The following PDE7B variants were observed in gnomAD, a reference collection of about 807,000 sequenced individuals.
PDE7B encodes the protein 3',5'-cyclic-AMP phosphodiesterase 7B.
A neutral mutation model predicts 56.2 loss-of-function variants in PDE7B; 29 were observed. That is an observed-to-expected ratio of 0.52 (90% confidence interval 0.38 to 0.70). The LOEUF is 0.70. Ranked by LOEUF, PDE7B falls within the 30% of genes least tolerant of loss-of-function variation. The pLI is 0.00. For missense variants in PDE7B, 490 were observed against 565.0 expected, an observed-to-expected ratio of 0.87 and a Z score of 1.35; for synonymous variants, 197 against 196.9, an observed-to-expected ratio of 1.00 and a Z score of 0.00.
chr6:136,050,179 T>A (rs1416491389), intron 2 of PDE7B, among the ~76,000 whole-genome samples: 1 of 152,212 alleles, frequency 6.6e-6, no homozygotes, highest in African/African-American at 2.4e-5. Context: ...CACTCCCAAA[T>A]ACTTAACGTC....
chr6:136,006,719 G>A (rs972617117), intron 2 of PDE7B, among the ~76,000 whole-genome samples: 1 of 152,038 alleles, frequency 6.6e-6, no homozygotes, highest in Admixed American at 6.6e-5. Flanking sequence ...CTTAGCTATT[G>A]TTAGTGTATA....
chr6:135,934,761 A>T (rs1583781292), intron 1 of PDE7B, among the ~76,000 whole-genome samples: 2 of 110,720 alleles, frequency 1.8e-5, no homozygotes, highest in South Asian at 2.7e-4. Flanking sequence ...TATATTTTTT[A>T]AATATATATA....
intron 2 of PDE7B, among the ~76,000 whole-genome samples, chr6:136,092,100 A>G (rs967184035): frequency 2.6e-5 from 4 of 152,252 alleles, no homozygotes; most frequent in African/African-American, 9.6e-5. Flanking sequence ...GCTCACAGTC[A>G]TAGTAATCTC....
intron 1 of PDE7B, among the ~76,000 whole-genome samples, chr6:135,875,431 T>A (rs1775474294): frequency 6.6e-6 from 1 of 152,138 alleles, no homozygotes; most frequent in African/African-American, 2.4e-5. Flanking sequence ...TAAATTTATG[T>A]GTATTTAATA....
At chr6:136,045,628 G>A (rs1776489825) in intron 2 of PDE7B, among the ~76,000 whole-genome samples, 1 of 152,114 alleles carries the variant, frequency 6.6e-6, no homozygotes, top group Admixed American at 6.5e-5. Flanking sequence ...CAAAGACAAA[G>A]CAGGGTTTAG....
At position 136,164,068 on chromosome 6, in the gene PDE7B, T is replaced by C. The variant is rs997097645; in HGVS notation, c.711+8310T>C. On this transcript the variant is annotated intron_variant, in intron 8 of 12. Coordinates refer to ENST00000308191, the MANE Select transcript of PDE7B (RefSeq NM_018945.4). Reference sequence around the variant, plus strand: ...TATGGCAGCACCCAAATCTCAGTACTGTATTAGTCCATTCTCATGTTGCTA... The same window carrying C: ...TATGGCAGCACCCAAATCTCAGTACCGTATTAGTCCATTCTCATGTTGCTA... Among the ~76,000 whole-genome samples, 3 of 152,172 alleles carry C rather than the reference T, an allele frequency of 2.0e-5. No individual in the cohort carries two copies. The South Asian group carries it at 6.2e-4, about 32-fold the overall frequency.
At chr6:135,982,562 A>G (rs1434154976) in intron 2 of PDE7B, among the ~76,000 whole-genome samples, 1 of 152,116 alleles carries the variant, frequency 6.6e-6, no homozygotes, top group Non-Finnish European at 1.5e-5. Context: ...AATCTTAGTG[A>G]CCTGTGTTTC....
intron 1 of PDE7B, among the ~76,000 whole-genome samples, chr6:135,859,653 T>G (rs1775107036): frequency 6.6e-6 from 1 of 152,072 alleles, no homozygotes; most frequent in African/African-American, 2.4e-5. Context: ...ATTGAATATG[T>G]TGCCCCAAGT....
intron 3 of PDE7B, among the ~76,000 whole-genome samples, chr6:136,136,159 G>A (rs1329038034): frequency 6.6e-6 from 1 of 152,060 alleles, no homozygotes; most frequent in Non-Finnish European, 1.5e-5. Flanking sequence ...GAGCTGTGCT[G>A]TAAATCTGCT....
chr6:136,111,545 T>C (rs1777748150), intron 3 of PDE7B, among the ~76,000 whole-genome samples: 1 of 152,196 alleles, frequency 6.6e-6, no homozygotes, highest in African/African-American at 2.4e-5. Flanking sequence ...CAACAGCTTG[T>C]CACCATGGAG....
At chr6:136,092,692 C>T (rs1562491002) in intron 2 of PDE7B, among the ~76,000 whole-genome samples, 11 of 152,112 alleles carry the variant, frequency 7.2e-5, no homozygotes, top group Admixed American at 7.2e-4. Flanking sequence ...TCCCAGGAGG[C>T]GGAGGTTGCA....
intron 2 of PDE7B, among the ~76,000 whole-genome samples, chr6:136,086,190 A>G (rs1195095982): frequency 2.2e-4 from 33 of 152,146 alleles, no homozygotes; most frequent in Admixed American, 2.2e-3. Context: ...GGGTAACTGG[A>G]GTTATAACTC....
chr6:135,919,802 C>T (rs1231141863), intron 1 of PDE7B, among the ~76,000 whole-genome samples: 7 of 152,090 alleles, frequency 4.6e-5, no homozygotes, highest in East Asian at 1.9e-4. Flanking sequence ...GAAGGAGTTG[C>T]GAAAATTAAA....
chr6:136,141,457 G>C (rs929761356), intron 3 of PDE7B, among the ~76,000 whole-genome samples: 2 of 152,140 alleles, frequency 1.3e-5, no homozygotes, highest in Admixed American at 6.5e-5. Flanking sequence ...CCAGGCTTTG[G>C]TATCAGGATG....
At chr6:136,131,494 GTTTTTT>G (rs1201361799) in intron 3 of PDE7B, among the ~76,000 whole-genome samples, 1 of 84,682 alleles carries the variant, frequency 1.2e-5, no homozygotes, top group Admixed American at 1.5e-4. Context: ...ATCCTGGCAG[GTTTTTT>G]TTTTTTTTTT....
rs1778298309 is a variant in PDE7B at position 136,140,331 on chromosome 6, T to A, written c.167-7020T>A. ...CTCTGTTCTGTTCCATTGGTCTGTA[T>A]CTCTGTTTTGGTACCAGTACCATGC... On this transcript the variant is annotated intron_variant, in intron 3 of 12. Coordinates refer to ENST00000308191, the MANE Select transcript of PDE7B (RefSeq NM_018945.4). Among the ~76,000 whole-genome samples the A allele has an allele frequency of 3.3e-5, 5 of 152,308 alleles. No individual in the cohort carries two copies. In the South Asian group the frequency reaches 1.0e-3, roughly 32 times the overall value.
intron 2 of PDE7B, among the ~76,000 whole-genome samples, chr6:135,978,774 T>C (rs920623045): frequency 6.6e-6 from 1 of 152,176 alleles, no homozygotes; most frequent in Non-Finnish European, 1.5e-5. Context: ...AAGGAGATTT[T>C]GGGCTGAGAC....
chr6:135,934,877 ATATT>A lies in PDE7B; in HGVS notation c.22-12580_22-12577del, dbSNP rs1391949978. On this transcript the variant is annotated intron_variant, in intron 1 of 12. Coordinates refer to ENST00000308191, the MANE Select transcript of PDE7B (RefSeq NM_018945.4). ...TAAATATATATAAAAATATATATAAATATTTATTTAAATATATATTTAAATATAT... is the reference window on the plus strand; with the variant it reads ...TAAATATATATAAAAATATATATAAATATTTAAATATATATTTAAATATAT... Among the ~76,000 whole-genome samples, 145 of 107,488 alleles carry A rather than the reference ATATT, an allele frequency of 1.3e-3. 4 individuals are homozygous for A. Among genetic ancestry groups the A allele is most frequent in the Non-Finnish European group, 1.8e-3 (106 of 58,236 alleles). 70.5% of individuals were successfully genotyped at this position (107,488 alleles called of 152,430 possible).
intron 2 of PDE7B, among the ~76,000 whole-genome samples, chr6:136,009,263 T>C (rs1775844711): frequency 6.6e-6 from 1 of 151,960 alleles, no homozygotes; most frequent in Non-Finnish European, 1.5e-5. Flanking sequence ...TGAAGTCAGG[T>C]AGCATGATGC....
Sources: gnomAD v4.1 joint callset for allele counts (sites outside exome capture counted in the v4.1 genomes callset) on GRCh38, gnomAD v4.1.1 for gene constraint, MANE v1.5 for transcripts, NCBI Gene and HGNC (gene_info 2026-07-23, HGNC 2026-07-21) for gene names.